LRRC27: variants seen among roughly 807,000 people sequenced by gnomAD.
LRRC27 encodes leucine-rich repeat-containing protein 27.
LRRC27 carries 57 observed loss-of-function variants against 55.0 expected under a neutral mutation model. That is an observed-to-expected ratio of 1.04 (90% CI 0.84 to 1.29). LRRC27 has a LOEUF of 1.29. Among genes scored for constraint, LRRC27 ranks in the 50% most tolerant of loss-of-function variants. The pLI, the probability that LRRC27 is intolerant of heterozygous loss-of-function variation, is 0.00. For synonymous variants in LRRC27, 278 were observed against 251.9 expected (o/e 1.10, Z -0.98); for missense variants, 721 against 651.5 (o/e 1.11, Z -1.16).
At chr10:132,331,819 C>T (rs749447423), upstream of LRRC27, 2 of 1,551,916 alleles carry the variant, frequency 1.3e-6, no homozygotes, top group African/African-American at 1.4e-5. Context: ...GACCACCACC[C>T]CTTCAAGGCC....
chr10:132,354,028 G>A (rs1228498467), intron 7 of LRRC27, among the ~76,000 whole-genome samples: 1 of 152,190 alleles, frequency 6.6e-6, no homozygotes, highest in African/African-American at 2.4e-5. Flanking sequence ...CCAGGAGGCT[G>A]CCTGTGGGAG....
rs1001934018 is a variant in LRRC27 at position 132,374,864 on chromosome 10, G to T, written c.1417-202G>T. Among the ~76,000 whole-genome samples, 4 of 152,218 alleles carry T rather than the reference G, an allele frequency of 2.6e-5. No individual in the cohort carries two copies. The highest frequency in any genetic ancestry group is 5.9e-5 in the Non-Finnish European group (4 of 68,030). ...TGTCCTCATGAGGTAGAAGGCCTGG[G>T]AGCCGGCTGGAAGTAGGCTGCTGGG... On this transcript the variant is annotated intron_variant, in intron 10 of 10. Coordinates refer to ENST00000368614, the MANE Select transcript of LRRC27 (RefSeq NM_030626.3). The surrounding 1 kb of genome is among the most constrained non-coding windows in gnomAD (Gnocchi z 4.4).
intron 5 of LRRC27, among the ~76,000 whole-genome samples, chr10:132,346,672 T>A (rs2698771): frequency 3.2e-4 from 48 of 152,220 alleles, no homozygotes; most frequent in African/African-American, 1.1e-3. Flanking sequence ...CTTAAAAAAA[T>A]AAATAAATAA....
At chr10:132,332,980 C>T (rs1590566319) in intron 1 of LRRC27, among the ~76,000 whole-genome samples, 1 of 152,274 alleles carries the variant, frequency 6.6e-6, no homozygotes, top group Non-Finnish European at 1.5e-5. Context: ...AGGTTTTTCC[C>T]CGGTGCTTAA....
intron 10 of LRRC27, among the ~76,000 whole-genome samples, chr10:132,367,239 C>A (rs1452187463): frequency 6.6e-6 from 1 of 152,190 alleles, no homozygotes; most frequent in African/African-American, 2.4e-5. Flanking sequence ...TACAGGAATT[C>A]AATCAATAAT....
intron 2 of LRRC27, among the ~76,000 whole-genome samples, chr10:132,334,568 A>G (rs2067025948): frequency 6.6e-6 from 1 of 152,200 alleles, no homozygotes; most frequent in Non-Finnish European, 1.5e-5. Context: ...TGCTTCTACA[A>G]GAGCTACATA....
intron 3 of LRRC27, among the ~76,000 whole-genome samples, chr10:132,339,197 A>G (rs2067275637): frequency 6.6e-6 from 1 of 152,188 alleles, no homozygotes; most frequent in African/African-American, 2.4e-5. Flanking sequence ...GGGTGCCCCC[A>G]GTTCCTACGT....
At chr10:132,351,533 C>A in intron 6 of LRRC27, 74 bp from the exon 7 acceptor site, 1 of 1,526,630 alleles carries the variant, frequency 6.6e-7, no homozygotes, top group Non-Finnish European at 8.9e-7. Flanking sequence ...CCTCCTTTTA[C>A]ATTTCACATG....
intron 7 of LRRC27, among the ~76,000 whole-genome samples, chr10:132,355,063 C>T (rs949855864): frequency 2.0e-5 from 3 of 152,164 alleles, no homozygotes; most frequent in African/African-American, 7.2e-5. Context: ...GGCCCGAAGA[C>T]GCCTGTTCTT....
At chr10:132,347,556 G>T (rs1421256589) in intron 5 of LRRC27, among the ~76,000 whole-genome samples, 4 of 151,744 alleles carry the variant, frequency 2.6e-5, no homozygotes, top group African/African-American at 4.8e-5. Context: ...TGGGGCCTGC[G>T]TGAGAGTCAG....
chr10:132,356,627 A>T (rs2068325064), intron 8 of LRRC27, among the ~76,000 whole-genome samples: 1 of 151,722 alleles, frequency 6.6e-6, no homozygotes, highest in Non-Finnish European at 1.5e-5. Context: ...GTCCCCCAAG[A>T]TTGCCAGCTC....
intron 8 of LRRC27, among the ~76,000 whole-genome samples, chr10:132,358,896 G>A (rs866104144): frequency 4.6e-4 from 2 of 4,388 alleles, no homozygotes; most frequent in Admixed American, 2.3e-3. Flanking sequence ...AGCCGAGGTG[G>A]TGGAGCAGTG....
intron 9 of LRRC27, among the ~76,000 whole-genome samples, chr10:132,362,260 A>T (rs1487916169): frequency 6.6e-6 from 1 of 152,174 alleles, no homozygotes; most frequent in Non-Finnish European, 1.5e-5. Flanking sequence ...CCCATCAGGG[A>T]TAGCTGGTGA....
chr10:132,348,106 A>G lies in LRRC27; in HGVS notation c.676A>G (p.Lys226Glu), dbSNP rs1186974187. ...TCAGGACCCAGAGGGGGCTGTGATG[A>G]AAGAGAAGGCCAGCTTTCTCCCACC... ...NAQDPEGAVMKEKASFLPPVE... is the reference protein window; with the variant it reads ...NAQDPEGAVMEEKASFLPPVE... The change falls in exon 6 of 11, where the codon AAA becomes GAA. Residue 226 changes from lysine (K) to glutamate (E), a missense_variant. Lys to Glu is a moderately conservative substitution (Grantham distance 56). Transcript: ENST00000368614. The surrounding 1 kb of genome is among the most constrained non-coding windows in gnomAD (Gnocchi z 4.2). 1.2e-6 allele frequency: 2 copies of G among 1,613,994 alleles called. No homozygotes were observed. Among genetic ancestry groups the G allele is most frequent in the Admixed American group, 3.3e-5 (2 of 60,006 alleles).
In LRRC27 at chr10:132,376,754, G is replaced by A. The variant is rs1446715904; in HGVS notation, c.*1512G>A. On this transcript the variant is annotated 3_prime_UTR_variant, in exon 11 of 11. Transcript: ENST00000368614. ...ACTTGAGAAGAATGTATTTTGAGTT[G>A]TTGGGTACATTGTTTTGTGTGTGTC... 1 of 152,294 alleles carries A rather than the reference G, an allele frequency of 6.6e-6. No homozygotes were observed. Among genetic ancestry groups the A allele is most frequent in the East Asian group, 1.9e-4 (1 of 5,204 alleles). 9.4% of individuals were successfully genotyped at this position (152,294 alleles called of 1,614,324 possible).
Position 132,352,513 on chromosome 10 carries a change from C to T in LRRC27, c.1073+760C>T, listed in dbSNP as rs1410279826. ...CGCTGAGGCCTCCGTGTGGGGCAGG[C>T]GCAGGTGCAGCGCTCCGTGTGGGGC... On this transcript the variant is annotated intron_variant, in intron 7 of 10. Coordinates refer to ENST00000368614, the MANE Select transcript of LRRC27 (RefSeq NM_030626.3). 1.6e-3 allele frequency among the ~76,000 whole-genome samples: 80 copies of T among 49,658 alleles called. 1 individual carries two copies. The highest frequency in any genetic ancestry group is 3.1e-3 in the South Asian group (5 of 1,610). 32.6% of individuals were successfully genotyped at this position (49,658 alleles called of 152,430 possible). A position where few individuals can be genotyped will look rare whatever the true frequency, so the allele number is the denominator to read the frequency against.
At chr10:132,344,769 C>A in intron 5 of LRRC27, 119 bp downstream of exon 5, 1 of 1,117,800 alleles carries the variant, frequency 8.9e-7, no homozygotes, top group Non-Finnish European at 1.3e-6. Flanking sequence ...GCCATGGGTC[C>A]TCTGCTGAGT....
chr10:132,364,551 A>G lies in LRRC27; in HGVS notation c.1290-873A>G, dbSNP rs1405252945. On this transcript the variant is annotated intron_variant, in intron 9 of 10. Coordinates refer to ENST00000368614, the MANE Select transcript of LRRC27 (RefSeq NM_030626.3). ...CACCCACACTTAAATCTACCTCCACACCCACACTTACACCCACGTCCACAC... is the reference window on the plus strand; with the variant it reads ...CACCCACACTTAAATCTACCTCCACGCCCACACTTACACCCACGTCCACAC... Among the ~76,000 whole-genome samples the G allele has an allele frequency of 4.3e-3, 173 of 40,170 alleles. 16 individuals are homozygous for G. Among genetic ancestry groups the G allele is most frequent in the African/African-American group, 6.6e-3 (74 of 11,276 alleles). 26.4% of individuals were successfully genotyped at this position (40,170 alleles called of 152,430 possible). A position where few individuals can be genotyped will look rare whatever the true frequency, so the allele number is the denominator to read the frequency against.
chr10:132,334,705 G>A (rs1403194360), intron 2 of LRRC27, among the ~76,000 whole-genome samples: 1 of 152,152 alleles, frequency 6.6e-6, no homozygotes, highest in African/African-American at 2.4e-5. Flanking sequence ...TGGTCACAGG[G>A]ACCTGCCTTG....
Sources: allele counts gnomAD v4.1 joint callset (sites outside exome capture counted in the v4.1 genomes callset), GRCh38; gene constraint gnomAD v4.1.1; non-coding constraint Gnocchi (gnomAD v3.1); transcripts MANE v1.5; gene names NCBI Gene and HGNC (gene_info 2026-07-23, HGNC 2026-07-21).